The following RAVER2 variants were observed in gnomAD, a reference collection of about 807,000 sequenced individuals.
RAVER2 encodes the protein ribonucleoprotein PTB-binding 2.
RAVER2 carries 46 observed loss-of-function variants against 78.1 expected under a neutral mutation model. The observed-to-expected ratio is 0.59, with a 90% CI of 0.46 to 0.75. The LOEUF (loss-of-function observed/expected upper bound fraction) is 0.75. RAVER2 is among the 30% of genes least tolerant of loss of function. The pLI is 0.00. For missense variants in RAVER2, 793 were observed against 837.5 expected, an observed-to-expected ratio of 0.95 and a Z score of 0.66; for synonymous variants, 311 against 313.3, an observed-to-expected ratio of 0.99 and a Z score of 0.08.
chr1:64,768,017 T>C lies in RAVER2; in HGVS notation c.250-639T>C, dbSNP rs79848952. Among the ~76,000 whole-genome samples the C allele has an allele frequency of 6.1e-3, 934 of 151,884 alleles. 6 individuals carry two copies. Among genetic ancestry groups the C allele is most frequent in the Non-Finnish European group, 0.011 (726 of 67,946 alleles). ...AGGGGAAATAAATGGAACTGCATGC[T>C]ATGCCTTAGTAGTTAGTTTTTTTCA... On this transcript the variant is annotated intron_variant, in intron 1 of 11. Coordinates refer to ENST00000294428, the Ensembl canonical transcript of RAVER2.
rs67544814 is a variant in RAVER2 at position 64,785,367 on chromosome 1, C to CTT, written c.978+3815_978+3816dup. On this transcript the variant is annotated intron_variant, in intron 4 of 11. Coordinates refer to ENST00000294428, the Ensembl canonical transcript of RAVER2. ...TGCTGGTGATTGTGCCTGTCCCTAA[C>CTT]TTTTTTTTTTTTTTTTTTTTGAAAT... is the stretch of plus-strand genomic sequence containing the variant. 4.6e-3 allele frequency among the ~76,000 whole-genome samples: 602 copies of CTT among 129,614 alleles called. 9 individuals carry two copies. The highest frequency in any genetic ancestry group is 0.015 in the African/African-American group (528 of 35,462). The allele number at this position is 129,614 out of a possible 152,430, so 85.0% of individuals were successfully genotyped here. A position where few individuals can be genotyped will look rare whatever the true frequency, so the allele number is the denominator to read the frequency against.
intron 3 of RAVER2, among the ~76,000 whole-genome samples, chr1:64,779,171 G>T (rs1652558204): frequency 6.6e-6 from 1 of 151,788 alleles, no homozygotes; most frequent in Admixed American, 6.6e-5. Context: ...CATTTTTCAA[G>T]AATACAATAT....
chr1:64,830,900 G>T, exon 12 of RAVER2: 1 of 1,613,278 alleles, frequency 6.2e-7, no homozygotes, highest in Non-Finnish European at 8.5e-7. Context: ...CCAGAAGGTG[G>T]TTCAGTGGAA....
intron 11 of RAVER2, 41 bp downstream of exon 11, chr1:64,814,881 G>T: frequency 6.9e-7 from 1 of 1,448,006 alleles, no homozygotes; most frequent in Non-Finnish European, 9.2e-7. Flanking sequence ...AGAAAAATTG[G>T]TTCAACTATA....
At chr1:64,768,479 C>A (rs765985075) in intron 1 of RAVER2, among the ~76,000 whole-genome samples, 177 bp from the exon 2 acceptor site, 2 of 151,674 alleles carry the variant, frequency 1.3e-5, no homozygotes, top group Non-Finnish European at 2.9e-5. Context: ...TGTAGGATGT[C>A]TGGGGAATCT....
chr1:64,804,939 T>C, intron 7 of RAVER2, 52 bp from the exon 8 acceptor site: 1 of 1,568,332 alleles, frequency 6.4e-7, no homozygotes. Flanking sequence ...TGTAGCTTTT[T>C]TTAGGTTATA....
At chr1:64,776,619 G>T (rs1652472433) in intron 2 of RAVER2, among the ~76,000 whole-genome samples, 1 of 152,140 alleles carries the variant, frequency 6.6e-6, no homozygotes, top group Non-Finnish European at 1.5e-5. Flanking sequence ...ATGTTCATAT[G>T]GAGTAACTTC....
intron 1 of RAVER2, among the ~76,000 whole-genome samples, chr1:64,746,017 C>A (rs888103803): frequency 2.6e-5 from 4 of 152,246 alleles, no homozygotes; most frequent in Non-Finnish European, 4.4e-5. Flanking sequence ...CTTGCAGCCG[C>A]CTCCTGCTAC....
In RAVER2 at chr1:64,812,727, T is replaced by G. The variant is rs1306594886; in HGVS notation, c.1681-11T>G. On this transcript the variant is annotated splice_polypyrimidine_tract_variant and intron_variant, in intron 9 of 11. Coordinates refer to ENST00000294428, the Ensembl canonical transcript of RAVER2. The stretch of plus-strand genomic sequence containing the variant: ...TCATTAAGTACTCCCTCCTTTGTTT[T>G]TGTTAAATAGGCTGCCTCTAAGAAT... 1.3e-6 allele frequency: 2 copies of G among 1,594,738 alleles called. No individual in the cohort carries two copies. Among genetic ancestry groups the G allele is most frequent in the Non-Finnish European group, 1.7e-6 (2 of 1,166,828 alleles).
chr1:64,818,670 ATTTG>A (rs1653813841), intron 11 of RAVER2, among the ~76,000 whole-genome samples: 1 of 152,192 alleles, frequency 6.6e-6, no homozygotes, highest in Non-Finnish European at 1.5e-5. Flanking sequence ...ACTGTATGGT[ATTTG>A]TGTTTCTGTA....
chr1:64,773,457 T>C (rs970024071), intron 2 of RAVER2, among the ~76,000 whole-genome samples: 8 of 152,006 alleles, frequency 5.3e-5, no homozygotes, highest in Admixed American at 6.6e-5. Context: ...TTCTTGTGTT[T>C]GCTGAGAATG....
chr1:64,824,326 A>T (rs1357265225), intron 11 of RAVER2, among the ~76,000 whole-genome samples: 1 of 152,218 alleles, frequency 6.6e-6, no homozygotes, highest in African/African-American at 2.4e-5. Flanking sequence ...AAAGACCTGG[A>T]AAATGAATGC....
chr1:64,778,184 A>T (rs754499540), intron 3 of RAVER2, 92 bp downstream of exon 3: 50 of 957,698 alleles, frequency 5.2e-5, no homozygotes, highest in Non-Finnish European at 7.2e-5. Context: ...TACCTGTGTG[A>T]TTAACACAAT....
intron 1 of RAVER2, among the ~76,000 whole-genome samples, chr1:64,751,839 C>CT (rs1651706946): frequency 6.6e-6 from 1 of 151,870 alleles, no homozygotes; most frequent in African/African-American, 2.4e-5. Context: ...AACAGGCAAA[C>CT]CAAGGAATAT....
chr1:64,761,000 C>T (rs1652004573), intron 1 of RAVER2, among the ~76,000 whole-genome samples: 2 of 152,120 alleles, frequency 1.3e-5, no homozygotes, highest in Admixed American at 6.5e-5. Context: ...TTCTAGGCCT[C>T]AATGTTCTCA....
intron 4 of RAVER2, among the ~76,000 whole-genome samples, chr1:64,787,357 G>A (rs184261153): frequency 2.3e-4 from 35 of 152,224 alleles, no homozygotes; most frequent in Admixed American, 1.0e-3. Context: ...ATGGGCAGAG[G>A]GAAGCTAAAG....
intron 6 of RAVER2, among the ~76,000 whole-genome samples, chr1:64,803,995 G>GCT (rs1487431273): frequency 6.6e-6 from 1 of 152,140 alleles, no homozygotes; most frequent in Non-Finnish European, 1.5e-5. Context: ...ATACATTTGA[G>GCT]CTGGCCCCTC....
At chr1:64,812,940 A>G (rs1653658573) in intron 10 of RAVER2, 91 bp downstream of exon 10, 1 of 871,262 alleles carries the variant, frequency 1.1e-6, no homozygotes, top group Admixed American at 3.2e-5. Flanking sequence ...ATGGAAGCAA[A>G]TAATACCTAT....
At chr1:64,773,864 A>T (rs2100829448) in intron 2 of RAVER2, among the ~76,000 whole-genome samples, 1 of 152,260 alleles carries the variant, frequency 6.6e-6, no homozygotes, top group South Asian at 2.1e-4. Context: ...CTTTTTAATG[A>T]TCGCCATTCT....
Sources: allele counts gnomAD v4.1 joint callset (sites outside exome capture counted in the v4.1 genomes callset), GRCh38; gene constraint gnomAD v4.1.1; transcripts MANE v1.5; gene names NCBI Gene and HGNC (gene_info 2026-07-23, HGNC 2026-07-21).